Variants in PTPRT observed in about 807,000 individuals in gnomAD.
The protein encoded by PTPRT is receptor-type tyrosine-protein phosphatase T.
A neutral mutation model predicts 176.8 loss-of-function variants in PTPRT; 56 were observed. The ratio of observed to expected loss-of-function variants is 0.32; its 90% confidence interval spans 0.26 to 0.40. The LOEUF (loss-of-function observed/expected upper bound fraction) is 0.40, where lower values mean the gene tolerates loss of function less well. PTPRT is among the 10% of genes least tolerant of loss of function. The pLI is 1.00. For missense variants in PTPRT, 1,540 were observed against 1,908.2 expected (o/e 0.81, Z 3.60); for synonymous variants, 783 against 739.0 (o/e 1.06, Z -0.96).
chr20:42,177,218 T>C (rs1373480511), intron 16 of PTPRT, among the ~76,000 whole-genome samples: 1 of 152,196 alleles, frequency 6.6e-6, no homozygotes. Flanking sequence ...TAACAAGCTC[T>C]CAGGTGATGC....
At chr20:42,500,174 A>T (rs1428880790) in intron 7 of PTPRT, among the ~76,000 whole-genome samples, 1 of 151,636 alleles carries the variant, frequency 6.6e-6, no homozygotes, top group Admixed American at 6.6e-5. Flanking sequence ...TGCTACTGTA[A>T]ATGGTGTTTT....
At chr20:43,008,662 G>A (rs1289899394) in intron 1 of PTPRT, among the ~76,000 whole-genome samples, 1 of 152,144 alleles carries the variant, frequency 6.6e-6, no homozygotes, top group East Asian at 1.9e-4. Context: ...CTGCACTCCA[G>A]CCTAGGCAAC....
In PTPRT at chr20:42,410,905, T is replaced by TG. The variant is rs533475946; in HGVS notation, c.1560+37314dup. 1.2e-3 allele frequency among the ~76,000 whole-genome samples: 186 copies of TG among 152,096 alleles called. 1 individual carries two copies. The highest frequency in any genetic ancestry group is 1.7e-3 in the Non-Finnish European group (119 of 68,022). ...AAAACGCATCATGTCAAACTATGTG[T>TG]GGCAGTGGGATACAGCTAAAGTAGT... On this transcript the variant is annotated intron_variant, in intron 9 of 30. Coordinates refer to ENST00000373187, the MANE Select transcript of PTPRT (RefSeq NM_007050.6).
intron 11 of PTPRT, among the ~76,000 whole-genome samples, chr20:42,325,080 T>A (rs1401023956): frequency 6.6e-6 from 1 of 152,144 alleles, no homozygotes; most frequent in Non-Finnish European, 1.5e-5. Flanking sequence ...ACTGGGTGCT[T>A]AGAGCTCAGA....
At chr20:42,940,187 T>C (rs1279672838) in intron 1 of PTPRT, among the ~76,000 whole-genome samples, 3 of 152,270 alleles carry the variant, frequency 2.0e-5, no homozygotes, top group African/African-American at 7.2e-5. Flanking sequence ...TATTGCCTGA[T>C]GTCTCCACCT....
chr20:43,142,063 G>T (rs545649351), intron 1 of PTPRT, among the ~76,000 whole-genome samples: 1 of 152,218 alleles, frequency 6.6e-6, no homozygotes, highest in Non-Finnish European at 1.5e-5. Context: ...CATGCCATCT[G>T]CTCCCTCATT....
intron 6 of PTPRT, among the ~76,000 whole-genome samples, chr20:42,746,373 G>A (rs1569130029): frequency 6.6e-6 from 1 of 152,190 alleles, no homozygotes; most frequent in Non-Finnish European, 1.5e-5. Flanking sequence ...GAGGCTAAGG[G>A]TGGGGAACCG....
At chr20:42,040,792 G>A in the PTPRT span, among the ~76,000 whole-genome samples, 1 of 152,186 alleles carries the variant, frequency 6.6e-6, no homozygotes, top group Non-Finnish European at 1.5e-5. Context: ...CATGCTGCAG[G>A]GGTGTCTCCT....
At chr20:42,309,278 T>C (rs1487177504) in intron 12 of PTPRT, among the ~76,000 whole-genome samples, 3 of 152,150 alleles carry the variant, frequency 2.0e-5, no homozygotes, top group African/African-American at 4.8e-5. Flanking sequence ...CTAATGGTGG[T>C]GAGGATGCAG....
Position 42,771,479 on chromosome 20 carries a change from T to C in PTPRT, c.640A>G (p.Ile214Val). 2 of 1,614,130 alleles carry C rather than the reference T, an allele frequency of 1.2e-6. No homozygotes were observed. Among genetic ancestry groups the C allele is most frequent in the Admixed American group, 1.7e-5 (1 of 60,002 alleles). ...TGCTGAGACCACTTCCCACCAGCAATGCACTGAAATGTGGCATTCTGCCCC... is the reference window on the plus strand; with the variant it reads ...TGCTGAGACCACTTCCCACCAGCAACGCACTGAAATGTGGCATTCTGCCCC... ...NVGQNATFQC[I>V]AGGKWSQHDK... Residue 214 changes from isoleucine to valine, a missense_variant, in exon 5 of 31, where the codon ATT becomes GTT. By Grantham distance (29) the Ile-to-Val change is conservative. This residue lies in a region of PTPRT where 273 missense variants were observed against 432.1 expected (regional missense o/e 0.63). Coordinates refer to ENST00000373187, the MANE Select transcript of PTPRT (RefSeq NM_007050.6).
chr20:42,056,929 T>G, the PTPRT span, among the ~76,000 whole-genome samples: 1 of 152,216 alleles, frequency 6.6e-6, no homozygotes, highest in African/African-American at 2.4e-5. Flanking sequence ...CTTGACTTCC[T>G]TCGGTTACTG....
At chr20:42,428,859 A>C (rs182994450) in intron 9 of PTPRT, among the ~76,000 whole-genome samples, 2 of 152,110 alleles carry the variant, frequency 1.3e-5, no homozygotes, top group African/African-American at 2.4e-5. Flanking sequence ...TGTAGACTAC[A>C]TGGTTTCCAA....
At chr20:42,700,242 C>T (rs1385010585) in intron 6 of PTPRT, among the ~76,000 whole-genome samples, 1 of 152,146 alleles carries the variant, frequency 6.6e-6, no homozygotes, top group Non-Finnish European at 1.5e-5. Flanking sequence ...CGGAAGTCAC[C>T]TTGCCCTTCT....
chr20:42,228,613 C>T (rs1406510906), intron 15 of PTPRT, among the ~76,000 whole-genome samples: 1 of 152,178 alleles, frequency 6.6e-6, no homozygotes, highest in African/African-American at 2.4e-5. Context: ...TCTATCATCA[C>T]CGTAGGCCAA....
At chr20:42,393,871 T>A (rs528406543) in intron 9 of PTPRT, among the ~76,000 whole-genome samples, 30 of 152,136 alleles carry the variant, frequency 2.0e-4, no homozygotes, top group African/African-American at 6.7e-4. Context: ...TTCGCAAGCG[T>A]TGGGTGAGTA....
chr20:43,142,550 C>T (rs1284212226), intron 1 of PTPRT, among the ~76,000 whole-genome samples: 1 of 152,212 alleles, frequency 6.6e-6, no homozygotes, highest in East Asian at 1.9e-4. Flanking sequence ...CCTGAAGAAT[C>T]GTGCTGCTTG....
chr20:42,869,771 C>CGCTGTG, intron 2 of PTPRT, among the ~76,000 whole-genome samples: 2 of 152,292 alleles, frequency 1.3e-5, no homozygotes, highest in South Asian at 4.1e-4. Context: ...TGGAGGAGAA[C>CGCTGTG]GCTGTGGCTT....
At chr20:43,095,091 T>G (rs2012072467) in intron 1 of PTPRT, among the ~76,000 whole-genome samples, 1 of 151,992 alleles carries the variant, frequency 6.6e-6, no homozygotes. Flanking sequence ...GGATATTGAG[T>G]GTCATGCCCA....
intron 1 of PTPRT, among the ~76,000 whole-genome samples, chr20:43,060,449 C>T (rs1259153101): frequency 6.6e-6 from 1 of 152,084 alleles, no homozygotes; most frequent in Admixed American, 6.5e-5. Flanking sequence ...TCCCAAAGGC[C>T]CCACCTCCAA....
Sources: gnomAD v4.1 joint callset for allele counts (sites outside exome capture counted in the v4.1 genomes callset) on GRCh38, gnomAD v4.1.1 for gene constraint, gnomAD v4.1.1 regional missense constraint, MANE v1.5 for transcripts, NCBI Gene and HGNC (gene_info 2026-07-23, HGNC 2026-07-21) for gene names.